The following HIRA variants were observed in gnomAD, a reference collection of about 807,000 sequenced individuals.
HIRA encodes the protein protein HIRA.
In HIRA, 13 loss-of-function variants were observed where a neutral mutation model predicts 126.6. That is an observed-to-expected ratio of 0.10 (90% CI 0.07 to 0.16). HIRA has a LOEUF of 0.16. Among genes scored for constraint, HIRA ranks in the 10% least tolerant of loss-of-function variants. The pLI is 1.00. For synonymous variants in HIRA, 511 were observed against 520.0 expected (o/e 0.98, Z 0.24); for missense variants, 834 against 1,314.4 (o/e 0.63, Z 5.65).
Position 19,355,870 on chromosome 22 carries a change from G to A in HIRA, c.2456-5C>T. 1.3e-6 allele frequency: 2 copies of A among 1,595,188 alleles called. No homozygotes were observed. Among genetic ancestry groups the A allele is most frequent in the Non-Finnish European group, 8.6e-7 (1 of 1,163,304 alleles). On this transcript the variant is annotated splice_region_variant and splice_polypyrimidine_tract_variant and intron_variant, in intron 20 of 24. Transcript: ENST00000263208. ...GTGATACCGTCATATCACTTCCTGAGGACAGCATGGGAATGAGTTCTGGGT... is the reference window on the plus strand; with the variant it reads ...GTGATACCGTCATATCACTTCCTGAAGACAGCATGGGAATGAGTTCTGGGT...
chr22:19,386,313 C>T (rs1166374310), intron 11 of HIRA, among the ~76,000 whole-genome samples: 4 of 152,134 alleles, frequency 2.6e-5, no homozygotes, highest in Admixed American at 2.6e-4. Context: ...CCCTCATAGT[C>T]TTGTGCCCTA....
chr22:19,334,419 G>A (rs1041864901), intron 24 of HIRA, among the ~76,000 whole-genome samples: 1 of 151,294 alleles, frequency 6.6e-6, no homozygotes, highest in Non-Finnish European at 1.5e-5. Context: ...GGGAGGCCAA[G>A]GCGGGCAGAT....
intron 1 of HIRA, among the ~76,000 whole-genome samples, chr22:19,421,417 G>A (rs1465534381): frequency 6.6e-6 from 1 of 152,110 alleles, no homozygotes; most frequent in Non-Finnish European, 1.5e-5. Context: ...TGACTGATGG[G>A]GATTTGGTTA....
chr22:19,396,493 G>A (rs1322367129), intron 7 of HIRA, among the ~76,000 whole-genome samples: 1 of 152,212 alleles, frequency 6.6e-6, no homozygotes, highest in African/African-American at 2.4e-5. Context: ...TCTAGCCTGG[G>A]CAACAAGAGC....
At chr22:19,416,125 ATGG>A (rs974456260) in intron 1 of HIRA, among the ~76,000 whole-genome samples, 1 of 152,204 alleles carries the variant, frequency 6.6e-6, no homozygotes, top group African/African-American at 2.4e-5. Flanking sequence ...AGACCATTCA[ATGG>A]GGAAAGAACA....
At chr22:19,352,308 C>G (rs1187394054) in intron 23 of HIRA, among the ~76,000 whole-genome samples, 5 of 151,790 alleles carry the variant, frequency 3.3e-5, no homozygotes, top group African/African-American at 1.2e-4. Context: ...CAGTCAACAC[C>G]CAGGATGAAG....
intron 22 of HIRA, among the ~76,000 whole-genome samples, 177 bp from the exon 23 acceptor site, chr22:19,353,696 C>T (rs1385519284): frequency 1.3e-5 from 2 of 152,242 alleles, no homozygotes; most frequent in Non-Finnish European, 2.9e-5. Flanking sequence ...CCCATCCCCA[C>T]GCCCCAGCCA....
chr22:19,393,521 C>G (rs547196650), intron 8 of HIRA, among the ~76,000 whole-genome samples: 1 of 152,174 alleles, frequency 6.6e-6, no homozygotes, highest in African/African-American at 2.4e-5. Context: ...CCATGCCCAG[C>G]TAATTTTTGT....
At chr22:19,387,901 G>T in intron 10 of HIRA, 85 bp from the exon 11 acceptor site, 1 of 952,386 alleles carries the variant, frequency 1.0e-6, no homozygotes, top group Non-Finnish European at 1.6e-6. Flanking sequence ...GAGGATGGTG[G>T]GCAGTGTTCT....
chr22:19,333,895 T>A (rs1556005212), intron 24 of HIRA, among the ~76,000 whole-genome samples: 2 of 152,210 alleles, frequency 1.3e-5, no homozygotes, highest in African/African-American at 4.8e-5. Flanking sequence ...AACTTTTCAA[T>A]TCAGTTATTG....
At chr22:19,408,885 C>T (rs2089328133) in intron 2 of HIRA, among the ~76,000 whole-genome samples, 2 of 152,192 alleles carry the variant, frequency 1.3e-5, no homozygotes, top group East Asian at 1.9e-4. Flanking sequence ...GCCTCTAACA[C>T]GGATCCACCA....
intron 24 of HIRA, among the ~76,000 whole-genome samples, chr22:19,346,742 C>T (rs2088691067): frequency 6.6e-6 from 1 of 152,192 alleles, no homozygotes; most frequent in African/African-American, 2.4e-5. Context: ...GTTCTCTCTC[C>T]TTCCCTGATC....
chr22:19,355,903 G>C (rs1299646753), intron 20 of HIRA, 38 bp from the exon 21 acceptor site: 8 of 1,398,796 alleles, frequency 5.7e-6, no homozygotes, highest in Admixed American at 1.7e-5. Flanking sequence ...GGTGTGCTCT[G>C]ATCAGCAAGT....
intron 5 of HIRA, among the ~76,000 whole-genome samples, chr22:19,399,353 GTTT>G (rs76880124): frequency 3.6e-5 from 5 of 138,608 alleles, no homozygotes; most frequent in African/African-American, 1.1e-4. Flanking sequence ...AGCTTAACAG[GTTT>G]TTTTTTTTTT....
At chr22:19,347,709 TG>T (rs1189419829) in intron 24 of HIRA, among the ~76,000 whole-genome samples, 1 of 151,786 alleles carries the variant, frequency 6.6e-6, no homozygotes, top group Non-Finnish European at 1.5e-5. Context: ...GAGGCTGAGG[TG>T]GGTAGATCAC....
In HIRA at chr22:19,351,220, A is replaced by T; in HGVS notation, c.2937+138T>A. ...AGGGCCGTCGGCATGTCACCCTCTC[A>T]CTGATGCTGGGACCTGAGGCTGGGT... On this transcript the variant is annotated intron_variant, in intron 24 of 24. Coordinates refer to ENST00000263208, the MANE Select transcript of HIRA (RefSeq NM_003325.4). The surrounding 1 kb of genome is among the most constrained non-coding windows in gnomAD (Gnocchi z 4.8). The T allele has an allele frequency of 2.9e-6, 4 of 1,402,654 alleles. No homozygotes were observed. The highest frequency in any genetic ancestry group is 2.8e-6 in the Non-Finnish European group (3 of 1,080,488). The allele number at this position is 1,402,654 out of a possible 1,614,324, so 86.9% of individuals were successfully genotyped here.
In HIRA at chr22:19,361,754, A is replaced by T; in HGVS notation, c.1953T>A (p.Arg651=). The change falls in exon 16 of 25, where the codon CGT becomes CGA. Residue 651 remains arginine, a synonymous_variant. Coordinates refer to ENST00000263208, the MANE Select transcript of HIRA (RefSeq NM_003325.4). ...GGACAGACAGAGACACAGGCATGAG[A>T]CGAGAGTCCTTCCGAGGCCGCCCTT... ...KKKGRPRKDS[R]LMPVSLSVQS... The T allele has an allele frequency of 6.2e-7, 1 of 1,612,690 alleles. No homozygotes were observed. The highest frequency in any genetic ancestry group is 8.5e-7 in the Non-Finnish European group (1 of 1,180,032).
intron 24 of HIRA, among the ~76,000 whole-genome samples, chr22:19,340,085 C>G (rs1489114066): frequency 6.6e-6 from 1 of 152,104 alleles, no homozygotes; most frequent in Admixed American, 6.5e-5. Context: ...AATCTACAGA[C>G]CAATATCCCT....
intron 24 of HIRA, among the ~76,000 whole-genome samples, chr22:19,345,178 A>G (rs2088672937): frequency 6.6e-6 from 1 of 152,248 alleles, no homozygotes; most frequent in African/African-American, 2.4e-5. Flanking sequence ...AAATTGGGAA[A>G]AAAGAAGTAA....
Sources: allele counts gnomAD v4.1 joint callset (sites outside exome capture counted in the v4.1 genomes callset), GRCh38; gene constraint gnomAD v4.1.1; non-coding constraint Gnocchi (gnomAD v3.1); transcripts MANE v1.5; gene names NCBI Gene and HGNC (gene_info 2026-07-23, HGNC 2026-07-21).